KIAA1671: variants seen among roughly 807,000 people sequenced by gnomAD.
The protein encoded by KIAA1671 is uncharacterized protein KIAA1671.
Under a neutral mutation model 131.2 loss-of-function variants are expected in KIAA1671, and 52 were observed. The ratio of observed to expected loss-of-function variants is 0.40; its 90% CI spans 0.32 to 0.50. The LOEUF (loss-of-function observed/expected upper bound fraction) is 0.50, where lower values mean the gene tolerates loss of function less well. Among genes scored for constraint, KIAA1671 ranks in the 20% least tolerant of loss-of-function variants. KIAA1671 has a pLI of 0.73. For synonymous variants in KIAA1671, 1,003 were observed against 961.6 expected, an observed-to-expected ratio of 1.04 and a Z score of -0.80; for missense variants, 2,360 against 2,364.2, an observed-to-expected ratio of 1.00 and a Z score of 0.04.
Position 25,190,724 on chromosome 22 carries a change from T to G in KIAA1671, c.5365T>G (p.Trp1789Gly), listed in dbSNP as rs1934647024. ...DERSDEPSPQ[W>G]LKELKSKKRQ... ...CAGGTCGGATGAACCCTCTCCCCAGTGGCTAAAGGAATTGAAATCCAAGAA... is the reference window on the plus strand; with the variant it reads ...CAGGTCGGATGAACCCTCTCCCCAGGGGCTAAAGGAATTGAAATCCAAGAA... Residue 1789 changes from tryptophan (W) to glycine (G), a missense_variant, in exon 12 of 13, where the codon TGG becomes GGG. By Grantham distance (184) the Trp-to-Gly change is radical (BLOSUM62 -2). Around this residue, in one of 3 missense-constraint regions of KIAA1671, gnomAD observed 1,161 missense variants for 1,204.7 expected, o/e 0.96. Coordinates refer to ENST00000358431, the MANE Select transcript of KIAA1671 (RefSeq NM_001145206.2). The G allele has an allele frequency of 6.4e-7, 1 of 1,551,732 alleles. No homozygotes were observed. Among genetic ancestry groups the G allele is most frequent in the Admixed American group, 2.0e-5 (1 of 50,992 alleles).
At chr22:25,107,171 CAGATCACG>C (rs1931053667) in intron 6 of KIAA1671, among the ~76,000 whole-genome samples, 2 of 152,046 alleles carry the variant, frequency 1.3e-5, no homozygotes. Context: ...CGGAGGGGGG[CAGATCACG>C]AGATCAGGAG....
rs533173584 is a variant in KIAA1671, at chr22:25,145,824, C to T, written c.4531-24996C>T. Among the ~76,000 whole-genome samples, 232 of 152,234 alleles carry T rather than the reference C, an allele frequency of 1.5e-3. 1 individual carries two copies. Among genetic ancestry groups the T allele is most frequent in the Non-Finnish European group, 2.9e-3 (194 of 68,018 alleles). On this transcript the variant is annotated intron_variant, in intron 6 of 12. Coordinates refer to ENST00000358431, the MANE Select transcript of KIAA1671 (RefSeq NM_001145206.2). ...ATATGGTGGCAGGCACCTGCAGTCT[C>T]AGCTACTCAGGAGGCTGAGGTGGGA...
intron 6 of KIAA1671, among the ~76,000 whole-genome samples, chr22:25,090,149 G>C (rs994079920): frequency 6.6e-6 from 1 of 152,198 alleles, no homozygotes; most frequent in African/African-American, 2.4e-5. Flanking sequence ...AGAAGTCTCT[G>C]GCCCACCAGG....
chr22:24,971,777 T>TG (rs970328895), intron 1 of KIAA1671, among the ~76,000 whole-genome samples: 10 of 152,198 alleles, frequency 6.6e-5, no homozygotes, highest in Admixed American at 6.5e-4. Context: ...GGTAGAGGGT[T>TG]GGGGGGTTAC....
At chr22:25,158,803 A>T (rs1252956572) in intron 6 of KIAA1671, among the ~76,000 whole-genome samples, 5 of 152,196 alleles carry the variant, frequency 3.3e-5, no homozygotes, top group African/African-American at 4.8e-5. Flanking sequence ...ACTAAATGTC[A>T]CGGCCCAGCA....
In KIAA1671 at chr22:25,027,956, C is replaced by T. The variant is rs1926041141; in HGVS notation, c.-44C>T. On this transcript the variant is annotated 5_prime_UTR_variant, in exon 3 of 13. Transcript: ENST00000358431. The stretch of plus-strand genomic sequence containing the variant: ...TTTTGTTTGTTTAGCAATTGCTTCT[C>T]CATTCTTGAAGTTCCTAACCCCCAT... 1 of 1,369,552 alleles carries T rather than the reference C, an allele frequency of 7.3e-7. No individual in the cohort carries two copies. The highest frequency in any genetic ancestry group is 1.5e-5 in the African/African-American group (1 of 68,124). The allele number at this position is 1,369,552 out of a possible 1,614,324, so 84.8% of individuals were successfully genotyped here. A position where few individuals can be genotyped will look rare whatever the true frequency, so the allele number is the denominator to read the frequency against.
At chr22:25,147,329 A>G (rs1932900685) in intron 6 of KIAA1671, among the ~76,000 whole-genome samples, 1 of 151,896 alleles carries the variant, frequency 6.6e-6, no homozygotes, top group South Asian at 2.1e-4. Flanking sequence ...AGTAGCTGGG[A>G]TGACAGACGT....
chr22:24,981,926 C>T (rs1391886110), intron 1 of KIAA1671, among the ~76,000 whole-genome samples: 2 of 152,096 alleles, frequency 1.3e-5, no homozygotes, highest in South Asian at 2.1e-4. Flanking sequence ...GAAAACTCCC[C>T]AGGTGATTCT....
intron 6 of KIAA1671, among the ~76,000 whole-genome samples, chr22:25,115,038 T>G (rs1174969473): frequency 6.6e-6 from 1 of 152,242 alleles, no homozygotes; most frequent in Non-Finnish European, 1.5e-5. Flanking sequence ...TGAAATGTTT[T>G]CTAAAGCCAG....
chr22:24,966,496 T>C (rs541727115), intron 1 of KIAA1671, among the ~76,000 whole-genome samples: 19 of 152,330 alleles, frequency 1.2e-4, no homozygotes, highest in Admixed American at 1.2e-3. Flanking sequence ...CAGTGCCCTT[T>C]GGCCTGGGAA....
chr22:25,135,039 G>A (rs1435194144), intron 6 of KIAA1671, among the ~76,000 whole-genome samples: 1 of 152,152 alleles, frequency 6.6e-6, no homozygotes, highest in African/African-American at 2.4e-5. Context: ...GTTGCCAAAG[G>A]ATTGATGTAA....
chr22:25,173,747 G>A (rs992121786), intron 7 of KIAA1671, among the ~76,000 whole-genome samples: 1 of 152,174 alleles, frequency 6.6e-6, no homozygotes, highest in Non-Finnish European at 1.5e-5. Flanking sequence ...TATTTTATCA[G>A]AACCAAGGGA....
At chr22:24,996,815 G>A (rs914948076) in intron 1 of KIAA1671, among the ~76,000 whole-genome samples, 1 of 152,150 alleles carries the variant, frequency 6.6e-6, no homozygotes, top group Admixed American at 6.5e-5. Context: ...GGAAAAGGGT[G>A]TAACTGTAAA....
chr22:25,081,265 C>A (rs1929392110), intron 6 of KIAA1671, among the ~76,000 whole-genome samples: 1 of 152,216 alleles, frequency 6.6e-6, no homozygotes. Context: ...TGTGCACAAT[C>A]TCCCAATTCT....
intron 6 of KIAA1671, among the ~76,000 whole-genome samples, chr22:25,153,688 C>T (rs1265744235): frequency 6.6e-6 from 1 of 152,130 alleles, no homozygotes; most frequent in Non-Finnish European, 1.5e-5. Context: ...TGTGTGCTCG[C>T]CCAGGAAGAA....
intron 6 of KIAA1671, among the ~76,000 whole-genome samples, chr22:25,160,546 C>T (rs1319042625): frequency 2.0e-5 from 3 of 152,338 alleles, no homozygotes; most frequent in Middle Eastern, 3.4e-3. Context: ...TCTGCTCTCC[C>T]TCCTCCACAC....
At chr22:25,129,507 G>GAAAAAAAAAAAA (rs768667507) in intron 6 of KIAA1671, among the ~76,000 whole-genome samples, 1 of 130,866 alleles carries the variant, frequency 7.6e-6, no homozygotes, top group African/African-American at 2.7e-5. Context: ...GACTCCATCT[G>GAAAAAAAAAAAA]AAAAAAAAAA....
chr22:25,006,979 C>T (rs1322266047), intron 1 of KIAA1671, among the ~76,000 whole-genome samples: 1 of 151,998 alleles, frequency 6.6e-6, no homozygotes, highest in Non-Finnish European at 1.5e-5. Context: ...AGGACCTGGA[C>T]ATTTTTGGGA....
chr22:25,169,240 G>A (rs1293800487), intron 6 of KIAA1671, among the ~76,000 whole-genome samples: 3 of 151,840 alleles, frequency 2.0e-5, no homozygotes, highest in Non-Finnish European at 4.4e-5. Flanking sequence ...AACATGACGA[G>A]ACCCCATCTC....
Sources: gnomAD v4.1 joint callset for allele counts (sites outside exome capture counted in the v4.1 genomes callset) on GRCh38, gnomAD v4.1.1 for gene constraint, gnomAD v4.1.1 regional missense constraint, MANE v1.5 for transcripts, NCBI Gene and HGNC (gene_info 2026-07-23, HGNC 2026-07-21) for gene names.